TMEM101: variants seen among roughly 807,000 people sequenced by gnomAD.
The protein encoded by TMEM101 is putative NF-kappa-B-activating protein 130.
In TMEM101, 14 loss-of-function variants were observed where a neutral mutation model predicts 26.0. That is an observed-to-expected ratio of 0.54 (90% CI 0.36 to 0.84). The LOEUF (loss-of-function observed/expected upper bound fraction) is 0.84, where lower values mean the gene tolerates loss of function less well. Among genes scored for constraint, TMEM101 ranks in the 40% least tolerant of loss-of-function variants. The pLI is 0.01. For synonymous variants in TMEM101, 152 were observed against 145.1 expected (o/e 1.05, Z -0.34); for missense variants, 292 against 345.1 (o/e 0.85, Z 1.22).
chr17:44,013,245 A>C lies in TMEM101; in HGVS notation c.319-90T>G, dbSNP rs112065362. On this transcript the variant is annotated intron_variant, in intron 2 of 3. Transcript: ENST00000206380. ...AGTGTAGAACCACCCCTCTCTACAC[A>C]TCCCATTCCATCTGATGAACCCTCT... is the stretch of plus-strand genomic sequence containing the variant. 58 of 1,231,140 alleles carry C rather than the reference A, an allele frequency of 4.7e-5. No homozygotes were observed. The African/African-American group carries it at 6.5e-4, about 14-fold the overall frequency. 76.3% of individuals were successfully genotyped at this position (1,231,140 alleles called of 1,614,324 possible).
upstream of TMEM101, among the ~76,000 whole-genome samples, chr17:44,018,955 A>G (rs933530065): frequency 3.3e-5 from 5 of 152,246 alleles, no homozygotes; most frequent in African/African-American, 1.2e-4. Flanking sequence ...CTGGCATGCT[A>G]TCAGGCCAGA....
chr17:44,016,214 C>T (rs932795179), upstream of TMEM101, among the ~76,000 whole-genome samples: 6 of 151,752 alleles, frequency 4.0e-5, no homozygotes, highest in African/African-American at 1.5e-4. Flanking sequence ...ACTGTGTCAC[C>T]CAGGCTGGAG....
At chr17:44,012,456 A>G in intron 3 of TMEM101, 1 of 566,782 alleles carries the variant, frequency 1.8e-6, no homozygotes. Flanking sequence ...GGGGCTATGA[A>G]GGAAGTGTAT....
At chr17:44,015,036 G>A (rs1275110489), upstream of TMEM101, 2 of 1,494,778 alleles carry the variant, frequency 1.3e-6, no homozygotes, top group African/African-American at 2.8e-5. Context: ...CGGGTCAAGC[G>A]CTTTTTCTTT....
chr17:44,013,077 G>A lies in TMEM101; in HGVS notation c.397C>T (p.Arg133Trp), dbSNP rs776550063. The A allele has an allele frequency of 7.5e-6, 12 of 1,609,704 alleles. No homozygotes were observed. Among genetic ancestry groups the A allele is most frequent in the East Asian group, 4.5e-5 (2 of 44,830 alleles). Residue 133 changes from arginine (R) to tryptophan (W), a missense_variant, in exon 3 of 4, where the codon CGG becomes TGG. Around this residue, in one of 2 missense-constraint regions of TMEM101, gnomAD observed 149 missense variants for 211.9 expected, o/e 0.70. Transcript: ENST00000206380. ...LASGAGELYR[R>W]KPRSRSLQST... is the part of the protein sequence containing the mutation. The stretch of plus-strand genomic sequence containing the variant: ...TGCAGGGAGCGGCTGCGAGGTTTCC[G>A]GCGGTACAGCTCCCCAGCACCGCTG...
At chr17:44,022,664 T>A (rs76553486) in intron 1 of TMEM101, among the ~76,000 whole-genome samples, 1 of 152,200 alleles carries the variant, frequency 6.6e-6, no homozygotes, top group South Asian at 2.1e-4. Context: ...TAATTTAGAT[T>A]CCCAATTTTC....
Position 44,011,347 on chromosome 17 carries a change from G to A in TMEM101, c.*581C>T, listed in dbSNP as rs1224119900. The stretch of plus-strand genomic sequence containing the variant: ...CCCCTTCACAGCCCAGAGCAGAACA[G>A]GGTCTGCTCTACTCTCAAGGTGAGT... On this transcript the variant is annotated 3_prime_UTR_variant, in exon 4 of 4. Transcript: ENST00000206380. The A allele has an allele frequency of 1.3e-5, 2 of 153,772 alleles. No homozygotes were observed. The highest frequency in any genetic ancestry group is 2.9e-5 in the Non-Finnish European group (2 of 69,206). The allele number at this position is 153,772 out of a possible 1,614,324, so 9.5% of individuals were successfully genotyped here. A position where few individuals can be genotyped will look rare whatever the true frequency, so the allele number is the denominator to read the frequency against.
At chr17:44,014,191 T>C (rs1455662268) in intron 2 of TMEM101, among the ~76,000 whole-genome samples, 166 bp downstream of exon 2, 3 of 152,172 alleles carry the variant, frequency 2.0e-5, no homozygotes, top group Non-Finnish European at 4.4e-5. Context: ...GTCTCTAAGA[T>C]CCATTTCTGC....
rs1426982782 is a variant in TMEM101 at position 44,011,747 on chromosome 17, G to A, written c.*181C>T. On this transcript the variant is annotated 3_prime_UTR_variant, in exon 4 of 4. Transcript: ENST00000206380. ...TGCCAGGGCTCCTGCCCTCCCAAGC[G>A]CTGAGCCCAGAAATTTGGACAAATG... 17 of 662,792 alleles carry A rather than the reference G, an allele frequency of 2.6e-5. No individual in the cohort carries two copies. In the Admixed American group the frequency reaches 3.3e-4, roughly 13 times the overall value. 41.1% of individuals were successfully genotyped at this position (662,792 alleles called of 1,614,324 possible).
chr17:44,019,343 A>T (rs1372710468), upstream of TMEM101: 7 of 436,532 alleles, frequency 1.6e-5, no homozygotes, highest in Non-Finnish European at 3.2e-5. Flanking sequence ...CCACCAGACT[A>T]GGAAACAACA....
At chr17:44,014,659 AG>A (rs1335416498) in intron 1 of TMEM101, 122 bp from the exon 2 acceptor site, 1 of 1,497,876 alleles carries the variant, frequency 6.7e-7, no homozygotes, top group Non-Finnish European at 9.0e-7. Context: ...TCCCATGGGC[AG>A]GACCGCCCTA....
upstream of TMEM101, among the ~76,000 whole-genome samples, chr17:44,017,630 G>A (rs1466622744): frequency 6.6e-6 from 1 of 151,206 alleles, no homozygotes; most frequent in African/African-American, 2.4e-5. Context: ...AGGCATGGTG[G>A]GAGGCACCTG....
upstream of TMEM101, chr17:44,019,575 A>G (rs2049267292): frequency 6.3e-6 from 1 of 158,692 alleles, no homozygotes; most frequent in South Asian, 1.6e-4. Context: ...ATAGATTGAA[A>G]TAGAGATTTA....
chr17:44,019,650 A>G (rs541716667), upstream of TMEM101, among the ~76,000 whole-genome samples: 1 of 152,324 alleles, frequency 6.6e-6, no homozygotes, highest in South Asian at 2.1e-4. Flanking sequence ...CTTGGTGACC[A>G]TTGTTTGTGT....
chr17:44,019,121 G>T, upstream of TMEM101: 1 of 216,946 alleles, frequency 4.6e-6, no homozygotes, highest in South Asian at 5.4e-5. Context: ...TACCTTTAAG[G>T]GTAAACAAGC....
chr17:44,014,448 C>A lies in TMEM101; in HGVS notation c.227G>T (p.Arg76Leu). The A allele has an allele frequency of 6.4e-7, 1 of 1,558,726 alleles. No homozygotes were observed. Among genetic ancestry groups the A allele is most frequent in the South Asian group, 1.2e-5 (1 of 84,652 alleles). Reference protein sequence around the residue: ...ASFMSFGVKRRWFALGAALQL... With the variant: ...ASFMSFGVKRLWFALGAALQL... Reference sequence around the variant, plus strand: ...GAGTGCGGCCCCCAGCGCGAACCAGCGCCGCTTCACGCCAAAGGACATGAA... The same window carrying A: ...GAGTGCGGCCCCCAGCGCGAACCAGAGCCGCTTCACGCCAAAGGACATGAA... Residue 76 changes from arginine to leucine, a missense_variant, in exon 2 of 4, where the codon CGC becomes CTC. Transcript: ENST00000206380.
rs376809204 is a variant in TMEM101, at chr17:44,020,258, A to G, written c.-210+1064T>C. ...AGTGTGTCTCCCCGTCCAAGCAGGT[A>G]TTGCCACCTGTAGGATTCGCATACC... On this transcript the variant is annotated intron_variant, in intron 2 of 4. Coordinates refer to the TMEM101 transcript ENST00000585950. 3.3e-5 allele frequency among the ~76,000 whole-genome samples: 5 copies of G among 152,314 alleles called. No individual in the cohort carries two copies. In the South Asian group the frequency reaches 1.0e-3, roughly 32 times the overall value.
At chr17:44,018,052 G>A (rs905177188), upstream of TMEM101, among the ~76,000 whole-genome samples, 1 of 152,182 alleles carries the variant, frequency 6.6e-6, no homozygotes, top group Non-Finnish European at 1.5e-5. Context: ...TTGAACCTGG[G>A]AGGAGGTAGT....
chr17:44,016,197 G>T (rs2049229473), upstream of TMEM101, among the ~76,000 whole-genome samples: 1 of 151,522 alleles, frequency 6.6e-6, no homozygotes, highest in Admixed American at 6.6e-5. Flanking sequence ...TTTTGAGACA[G>T]GGTCTCACTG....
Sources: allele counts gnomAD v4.1 joint callset (sites outside exome capture counted in the v4.1 genomes callset), GRCh38; gene constraint gnomAD v4.1.1; regional missense constraint gnomAD v4.1.1; transcripts MANE v1.5; gene names NCBI Gene and HGNC (gene_info 2026-07-23, HGNC 2026-07-21).